KLHDC1: variants seen among roughly 807,000 people sequenced by gnomAD.
KLHDC1 encodes kelch domain-containing protein 1.
In KLHDC1, 53 loss-of-function variants were observed where a neutral mutation model predicts 68.3. That is an observed-to-expected ratio of 0.78 (90% CI 0.62 to 0.98). The LOEUF (loss-of-function observed/expected upper bound fraction) is 0.98. Among genes scored for constraint, KLHDC1 ranks in the 50% least tolerant of loss-of-function variants. The pLI, the probability that KLHDC1 is intolerant of heterozygous loss-of-function variation, is 0.00. For synonymous variants in KLHDC1, 148 were observed against 159.0 expected, an observed-to-expected ratio of 0.93 and a Z score of 0.52; for missense variants, 470 against 492.3, an observed-to-expected ratio of 0.95 and a Z score of 0.43.
At chr14:49,725,855 T>G in intron 6 of KLHDC1, 86 bp downstream of exon 6, 1 of 700,346 alleles carries the variant, frequency 1.4e-6, no homozygotes, top group Non-Finnish European at 2.4e-6. Context: ...TTTGTTTTGT[T>G]TTGTGTTTTT....
intron 4 of KLHDC1, among the ~76,000 whole-genome samples, chr14:49,720,553 T>C (rs1888501108): frequency 6.6e-6 from 1 of 152,154 alleles, no homozygotes; most frequent in African/African-American, 2.4e-5. Flanking sequence ...TGGTGTGTAG[T>C]TCCTTTGTAT....
chr14:49,732,855 TTC>T (rs746463884), intron 9 of KLHDC1, 39 bp downstream of exon 9: 2 of 967,832 alleles, frequency 2.1e-6, no homozygotes, highest in Non-Finnish European at 3.3e-6. Context: ...TATTATCTCA[TTC>T]TTTTTTCTTA....
intron 1 of KLHDC1, among the ~76,000 whole-genome samples, chr14:49,693,631 G>A (rs547618452): frequency 6.6e-6 from 1 of 151,956 alleles, no homozygotes; most frequent in Admixed American, 6.6e-5. Flanking sequence ...AGACCTAGAA[G>A]GACCCGAGGA....
Position 49,723,875 on chromosome 14 carries a change from C to T in KLHDC1, c.406C>T (p.Leu136=), listed in dbSNP as rs542704554. 3 of 1,563,010 alleles carry T rather than the reference C, an allele frequency of 1.9e-6. No homozygotes were observed. Among genetic ancestry groups the T allele is most frequent in the Admixed American group, 1.8e-5 (1 of 55,784 alleles). ...TGTCATTTCGTATTTGTTTTTCAGA[C>T]TAATATATTTTGGTGGTTATGGGTG... ...KLSCWVYKDR[L]IYFGGYGCRR... Residue 136 remains leucine, a splice_region_variant and synonymous_variant, in exon 5 of 13, where the codon CTA becomes TTA. Coordinates refer to ENST00000359332, the MANE Select transcript of KLHDC1 (RefSeq NM_172193.3).
chr14:49,731,125 A>G (rs757440452), intron 8 of KLHDC1, among the ~76,000 whole-genome samples: 1 of 152,098 alleles, frequency 6.6e-6, no homozygotes, highest in Non-Finnish European at 1.5e-5. Flanking sequence ...ACTAAATACA[A>G]AACAATTAGC....
Position 49,704,387 on chromosome 14 carries a change from G to GTTTTTTTTTTTTTTTTTTTTTTTTTT in KLHDC1, c.97-4748_97-4747insTTTTTTTTTTTTTTTTTTTTTTTTTT, listed in dbSNP as rs35067251. Reference sequence around the variant, plus strand: ...GTCTTTTTATTTTTTTTCCTTTTCTGTTTTTTTTTTTTTTTTTTTTTTTTG... The same window carrying GTTTTTTTTTTTTTTTTTTTTTTTTTT: ...GTCTTTTTATTTTTTTTCCTTTTCTGTTTTTTTTTTTTTTTTTTTTTTTTTTTTTTTTTTTTTTTTTTTTTTTTTTG... On this transcript the variant is annotated intron_variant, in intron 1 of 12. Coordinates refer to ENST00000359332, the MANE Select transcript of KLHDC1 (RefSeq NM_172193.3). Among the ~76,000 whole-genome samples, 26 of 68,694 alleles carry GTTTTTTTTTTTTTTTTTTTTTTTTTT rather than the reference G, an allele frequency of 3.8e-4. 2 individuals carry two copies. The highest frequency in any genetic ancestry group is 1.2e-3 in the South Asian group (2 of 1,664). The allele number at this position is 68,694 out of a possible 152,430, so 45.1% of individuals were successfully genotyped here. A position where few individuals can be genotyped will look rare whatever the true frequency, so the allele number is the denominator to read the frequency against.
chr14:49,700,073 C>G (rs778057704), intron 1 of KLHDC1: 5 of 332,894 alleles, frequency 1.5e-5, no homozygotes, highest in South Asian at 1.1e-4. Flanking sequence ...CTTGCCCAGG[C>G]TGGAGTGCAG....
At chr14:49,740,338 T>TTTTG (rs912268611) in intron 11 of KLHDC1, among the ~76,000 whole-genome samples, 156 bp downstream of exon 11, 1 of 152,252 alleles carries the variant, frequency 6.6e-6, no homozygotes, top group Non-Finnish European at 1.5e-5. Flanking sequence ...TGACTGGCTT[T>TTTTG]TTTGTTTGTT....
intron 1 of KLHDC1, among the ~76,000 whole-genome samples, chr14:49,704,755 C>CT (rs1217638331): frequency 9.9e-5 from 15 of 151,738 alleles, no homozygotes; most frequent in Non-Finnish European, 2.2e-4. Flanking sequence ...AGGGAGAATT[C>CT]TTTTTTTTGA....
intron 4 of KLHDC1, among the ~76,000 whole-genome samples, chr14:49,716,521 T>C (rs1451123238): frequency 4.0e-5 from 6 of 151,846 alleles, no homozygotes; most frequent in African/African-American, 1.2e-4. Context: ...GTAGCTGGGG[T>C]TACAGGTGCC....
intron 1 of KLHDC1, among the ~76,000 whole-genome samples, chr14:49,697,694 G>A (rs985621308): frequency 6.6e-6 from 1 of 152,180 alleles, no homozygotes; most frequent in Admixed American, 6.5e-5. Context: ...TTTTGTTGTT[G>A]TTTTGTGTGT....
At chr14:49,713,854 T>A (rs1420327406) in intron 4 of KLHDC1, among the ~76,000 whole-genome samples, 4 of 70,204 alleles carry the variant, frequency 5.7e-5, no homozygotes, top group African/African-American at 2.1e-4. Context: ...ATATATATTT[T>A]TTTTTTTTTT....
intron 4 of KLHDC1, among the ~76,000 whole-genome samples, chr14:49,711,865 G>T (rs1481877894): frequency 6.8e-6 from 1 of 147,308 alleles, no homozygotes; most frequent in Non-Finnish European, 1.5e-5. Flanking sequence ...ACTAGATAAG[G>T]TCTATACGTT....
intron 9 of KLHDC1, among the ~76,000 whole-genome samples, chr14:49,734,264 G>A (rs1888881974): frequency 6.6e-6 from 1 of 152,026 alleles, no homozygotes; most frequent in African/African-American, 2.4e-5. Flanking sequence ...TGTAAAAAAT[G>A]TCCTTTTATT....
intron 10 of KLHDC1, among the ~76,000 whole-genome samples, chr14:49,736,524 G>GT (rs768209194): frequency 3.3e-5 from 5 of 152,182 alleles, no homozygotes; most frequent in Non-Finnish European, 4.4e-5. Flanking sequence ...ATACAGTTGA[G>GT]TGTAAGGAGA....
intron 4 of KLHDC1, among the ~76,000 whole-genome samples, chr14:49,714,922 A>G (rs1196874435): frequency 1.4e-5 from 2 of 147,322 alleles, no homozygotes; most frequent in African/African-American, 4.9e-5. Flanking sequence ...CTTTATTTCC[A>G]TATATATGGA....
rs563985771 is a variant in KLHDC1 at position 49,744,005 on chromosome 14, C to T, written c.1034+200C>T. Among the ~76,000 whole-genome samples, 12 of 151,906 alleles carry T rather than the reference C, an allele frequency of 7.9e-5. No homozygotes were observed. In the South Asian group the frequency reaches 1.7e-3, roughly 21 times the overall value. On this transcript the variant is annotated intron_variant, in intron 12 of 12. Coordinates refer to ENST00000359332, the MANE Select transcript of KLHDC1 (RefSeq NM_172193.3). ...AGTTTTAAAAATTAAAATATACATG[C>T]GTGGCGTGATGACTTACACCTGTAA...
intron 1 of KLHDC1, among the ~76,000 whole-genome samples, chr14:49,703,084 C>T (rs1313740454): frequency 6.6e-6 from 1 of 150,862 alleles, no homozygotes; most frequent in Non-Finnish European, 1.5e-5. Flanking sequence ...AATATATATA[C>T]AATAGAATGT....
chr14:49,719,457 C>G (rs952162999), intron 4 of KLHDC1, among the ~76,000 whole-genome samples: 3 of 151,292 alleles, frequency 2.0e-5, no homozygotes, highest in African/African-American at 7.3e-5. Context: ...GAGACAGAGT[C>G]TCGCTCTGTT....
Sources: gnomAD v4.1 joint callset for allele counts (sites outside exome capture counted in the v4.1 genomes callset) on GRCh38, gnomAD v4.1.1 for gene constraint, MANE v1.5 for transcripts, NCBI Gene and HGNC (gene_info 2026-07-23, HGNC 2026-07-21) for gene names.